CNOT11: variants seen among roughly 807,000 people sequenced by gnomAD.
The protein encoded by CNOT11 is CCR4-NOT transcription complex subunit 11, also known as UPF0760 protein C2orf29.
Under a neutral mutation model 44.6 loss-of-function variants are expected in CNOT11, and 18 were observed. The observed-to-expected ratio is 0.40, with a 90% CI of 0.28 to 0.60. The LOEUF (loss-of-function observed/expected upper bound fraction) is 0.60. Among genes scored for constraint, CNOT11 ranks in the 20% least tolerant of loss-of-function variants. The pLI is 0.38. For missense variants in CNOT11, 513 were observed against 677.0 expected (o/e 0.76, Z 2.69); for synonymous variants, 291 against 270.9 (o/e 1.07, Z -0.73).
intron 1 of CNOT11, 69 bp from the exon 2 acceptor site, chr2:101,257,722 A>AT: frequency 7.4e-7 from 1 of 1,355,480 alleles, no homozygotes; most frequent in Non-Finnish European, 1.0e-6. Flanking sequence ...GCAAGTACTG[A>AT]TTTTACCAGA....
chr2:101,258,750 G>C (rs1157592198), intron 2 of CNOT11, among the ~76,000 whole-genome samples: 1 of 151,038 alleles, frequency 6.6e-6, no homozygotes, highest in Non-Finnish European at 1.5e-5. Context: ...GGAGCTGGAG[G>C]TTGCAGTGAG....
chr2:101,269,162 T>C lies in CNOT11; in HGVS notation c.1335+26T>C. The stretch of plus-strand genomic sequence containing the variant: ...GTAATATAAATTTTTGTAAATTTTA[T>C]AAATGGCTGCCAGGAAAATGAGCAG... On this transcript the variant is annotated intron_variant, in intron 6 of 6. Coordinates refer to ENST00000289382, the MANE Select transcript of CNOT11 (RefSeq NM_017546.5). This position sits in a 1 kb window ranked among gnomAD's most constrained non-coding sequence, Gnocchi z 4.8. 2.5e-6 allele frequency: 4 copies of C among 1,599,852 alleles called. No homozygotes were observed. Among genetic ancestry groups the C allele is most frequent in the Non-Finnish European group, 3.4e-6 (4 of 1,173,436 alleles).
In CNOT11 at chr2:101,253,282, G is replaced by A; in HGVS notation, c.318G>A (p.Ser106=). The change falls in exon 1 of 7, where the codon TCG becomes TCA. Residue 106 remains serine, a synonymous_variant. Transcript: ENST00000289382. This position sits in a 1 kb window ranked among gnomAD's most constrained non-coding sequence, Gnocchi z 4.3. ...AGGCCGACCACTTCCGCCTGGGCTC[G>A]GTGCTCGTCATGCTGCTCCAGCAGC... ...FSKADHFRLG[S]VLVMLLQQPD... 6.2e-7 allele frequency: 1 copy of A among 1,611,548 alleles called. No individual in the cohort carries two copies. Among genetic ancestry groups the A allele is most frequent in the Non-Finnish European group, 8.5e-7 (1 of 1,179,574 alleles).
chr2:101,269,436 CCATT>C lies in CNOT11; in HGVS notation c.*26_*29del. ...TAATACCTCATCAGAACCATCCCAT[CCATT>C]CACTGTTCAGCTGTACTGTGATTTA... On this transcript the variant is annotated 3_prime_UTR_variant, in exon 7 of 7. Transcript: ENST00000289382. This position sits in a 1 kb window ranked among gnomAD's most constrained non-coding sequence, Gnocchi z 4.8. 2 of 1,601,494 alleles carry C rather than the reference CCATT, an allele frequency of 1.2e-6. No homozygotes were observed. Among genetic ancestry groups the C allele is most frequent in the Non-Finnish European group, 1.7e-6 (2 of 1,169,038 alleles).
chr2:101,259,415 G>T (rs769334538), intron 2 of CNOT11, among the ~76,000 whole-genome samples: 2 of 152,138 alleles, frequency 1.3e-5, no homozygotes, highest in Non-Finnish European at 2.9e-5. Flanking sequence ...TAAACAGTGT[G>T]TCCTGACAGA....
intron 1 of CNOT11, among the ~76,000 whole-genome samples, chr2:101,257,420 C>T (rs963379632): frequency 9.3e-5 from 14 of 151,146 alleles, no homozygotes; most frequent in African/African-American, 3.2e-4. Context: ...CCACAAAACG[C>T]AGCTTGGCAG....
In CNOT11 at chr2:101,265,034, C is replaced by T; in HGVS notation, c.1022C>T (p.Pro341Leu). ...AKAFKSPLSSPQQTQLLGELE... is the reference protein window; with the variant it reads ...AKAFKSPLSSLQQTQLLGELE... ...GCCTTCAAAAGCCCCTTATCCTCTCCCCAACAAACACAGGTGTGTATTGAT... is the reference window on the plus strand; with the variant it reads ...GCCTTCAAAAGCCCCTTATCCTCTCTCCAACAAACACAGGTGTGTATTGAT... The change falls in exon 4 of 7, where the codon CCC (proline) becomes CTC (leucine). Residue 341 changes from proline (P) to leucine (L), a missense_variant. Pro to Leu is a moderately conservative substitution (Grantham distance 98). Coordinates refer to ENST00000289382, the MANE Select transcript of CNOT11 (RefSeq NM_017546.5). The T allele has an allele frequency of 6.2e-7, 1 of 1,611,230 alleles. No homozygotes were observed. Among genetic ancestry groups the T allele is most frequent in the Non-Finnish European group, 8.5e-7 (1 of 1,177,508 alleles).
chr2:101,255,375 G>A (rs1473081572), intron 1 of CNOT11, among the ~76,000 whole-genome samples: 1 of 152,046 alleles, frequency 6.6e-6, no homozygotes, highest in African/African-American at 2.4e-5. Context: ...GGCGCCTGTA[G>A]TCCCAGCTAC....
chr2:101,254,298 C>T (rs377122307), intron 1 of CNOT11, among the ~76,000 whole-genome samples: 13 of 152,120 alleles, frequency 8.5e-5, no homozygotes, highest in African/African-American at 3.1e-4. Context: ...ATCTTACATT[C>T]CTTAACCAGT....
At chr2:101,261,844 C>CTTTTTTT (rs3044629) in intron 2 of CNOT11, among the ~76,000 whole-genome samples, 126 of 111,862 alleles carry the variant, frequency 1.1e-3, no homozygotes, top group East Asian at 3.0e-3. Flanking sequence ...TTCTTTCTTT[C>CTTTTTTT]TTTTTTTTTT....
chr2:101,267,929 A>G (rs1384232695), intron 5 of CNOT11, among the ~76,000 whole-genome samples: 1 of 152,184 alleles, frequency 6.6e-6, no homozygotes, highest in Non-Finnish European at 1.5e-5. Context: ...TGGAGAGCAT[A>G]GTTTTTGAAC....
chr2:101,258,913 C>T (rs1218763340), intron 2 of CNOT11, among the ~76,000 whole-genome samples: 4 of 151,910 alleles, frequency 2.6e-5, no homozygotes, highest in Non-Finnish European at 4.4e-5. Context: ...GTGGGAGGAT[C>T]GTTTGAGGGC....
Position 101,253,645 on chromosome 2 carries a change from T to G in CNOT11, c.514+167T>G, listed in dbSNP as rs1681677457. Among the ~76,000 whole-genome samples the G allele has an allele frequency of 6.6e-6, 1 of 152,240 alleles. No individual in the cohort carries two copies. The highest frequency in any genetic ancestry group is 6.5e-5 in the Admixed American group (1 of 15,280). On this transcript the variant is annotated intron_variant, in intron 1 of 6. Coordinates refer to ENST00000289382, the MANE Select transcript of CNOT11 (RefSeq NM_017546.5). This position sits in a 1 kb window ranked among gnomAD's most constrained non-coding sequence, Gnocchi z 4.3. Reference sequence around the variant, plus strand: ...CCACGCCCCTCACTCCTCCCCGCCTTAACTCTAAAGAATGGAGAGGTGGTA... The same window carrying G: ...CCACGCCCCTCACTCCTCCCCGCCTGAACTCTAAAGAATGGAGAGGTGGTA...
chr2:101,266,209 G>A (rs529203281), intron 4 of CNOT11, among the ~76,000 whole-genome samples: 4 of 152,268 alleles, frequency 2.6e-5, no homozygotes, highest in Non-Finnish European at 5.9e-5. Context: ...CCGGATTCCC[G>A]CTCCGGCTTC....
chr2:101,269,846 A>T lies in CNOT11; in HGVS notation c.*433A>T, dbSNP rs1682071116. On this transcript the variant is annotated 3_prime_UTR_variant, in exon 7 of 7. Transcript: ENST00000289382. The surrounding 1 kb of genome is among the most constrained non-coding windows in gnomAD (Gnocchi z 4.8). Reference sequence around the variant, plus strand: ...AGCAGCTGAATGTTTCTGAACCATCAAGAGGCAAACAAACAGGAGTTTGTT... The same window carrying T: ...AGCAGCTGAATGTTTCTGAACCATCTAGAGGCAAACAAACAGGAGTTTGTT... The T allele has an allele frequency of 6.4e-6, 1 of 155,820 alleles. No individual in the cohort carries two copies. The highest frequency in any genetic ancestry group is 2.4e-5 in the African/African-American group (1 of 41,506). 9.7% of individuals were successfully genotyped at this position (155,820 alleles called of 1,614,324 possible). A position where few individuals can be genotyped will look rare whatever the true frequency, so the allele number is the denominator to read the frequency against.
chr2:101,260,838 T>TC (rs1681843545), intron 2 of CNOT11, among the ~76,000 whole-genome samples: 1 of 149,406 alleles, frequency 6.7e-6, no homozygotes, highest in African/African-American at 2.4e-5. Flanking sequence ...TTTTTTTTTT[T>TC]CACATTTTGG....
chr2:101,264,182 A>G (rs1408972448), intron 3 of CNOT11, among the ~76,000 whole-genome samples: 1 of 152,250 alleles, frequency 6.6e-6, no homozygotes, highest in African/African-American at 2.4e-5. Flanking sequence ...GCCAGCATTT[A>G]TTTCAGTGGG....
At chr2:101,266,534 G>A in intron 4 of CNOT11, 143 bp from the exon 5 acceptor site, 2 of 644,172 alleles carry the variant, frequency 3.1e-6, no homozygotes, top group Admixed American at 2.8e-5. Flanking sequence ...GGGTTTGAAG[G>A]AAGAAATTTA....
chr2:101,265,745 T>C (rs1681967534), intron 4 of CNOT11, among the ~76,000 whole-genome samples: 1 of 152,034 alleles, frequency 6.6e-6, no homozygotes, highest in Non-Finnish European at 1.5e-5. Flanking sequence ...AAAACAAGGC[T>C]GGGAAGGGGA....
Sources: allele counts gnomAD v4.1 joint callset (sites outside exome capture counted in the v4.1 genomes callset), GRCh38; gene constraint gnomAD v4.1.1; non-coding constraint Gnocchi (gnomAD v3.1); transcripts MANE v1.5; gene names NCBI Gene and HGNC (gene_info 2026-07-23, HGNC 2026-07-21).